Variants in CUL9 observed in about 807,000 individuals in gnomAD.
CUL9 encodes cullin 9.
In CUL9, 79 loss-of-function variants were observed where a neutral mutation model predicts 272.6. That is an observed-to-expected ratio of 0.29 (90% CI 0.24 to 0.35). The LOEUF (loss-of-function observed/expected upper bound fraction) is 0.35, where lower values mean the gene tolerates loss of function less well. CUL9 is among the 10% of genes least tolerant of loss of function. The pLI is 1.00. For missense variants in CUL9, 2,532 were observed against 3,255.6 expected (o/e 0.78, Z 5.41); for synonymous variants, 1,186 against 1,286.5 (o/e 0.92, Z 1.67).
Position 43,187,023 on chromosome 6 carries a change from C to G in CUL9, c.1315C>G (p.Pro439Ala), listed in dbSNP as rs941786875. ...VHWHMLEILG[P>A]EEATEDKASA... Reference sequence around the variant, plus strand: ...CTGGCACATGCTGGAGATCCTGGGCCCTGAGGAAGCCACTGAGGATAAGGC... The same window carrying G: ...CTGGCACATGCTGGAGATCCTGGGCGCTGAGGAAGCCACTGAGGATAAGGC... The change falls in exon 5 of 41, where the codon CCT becomes GCT. Residue 439 changes from proline to alanine, a missense_variant. Coordinates refer to ENST00000252050, the MANE Select transcript of CUL9 (RefSeq NM_015089.4). 3 of 1,614,070 alleles carry G rather than the reference C, an allele frequency of 1.9e-6. No individual in the cohort carries two copies. The highest frequency in any genetic ancestry group is 1.7e-4 in the Middle Eastern group (1 of 6,060).
At position 43,213,748 on chromosome 6, in the gene CUL9, A is replaced by G; in HGVS notation, c.5524A>G (p.Ser1842Gly). The G allele has an allele frequency of 1.2e-6, 2 of 1,613,866 alleles. 1 individual carries two copies. Among genetic ancestry groups the G allele is most frequent in the South Asian group, 2.2e-5 (2 of 91,066 alleles). ...LRLHEPGPQR[S>G]GEALWLIPPQ... ...GCTTCATGAGCCTGGGCCCCAGCGCAGTGGGGAGGCCCTGTGGCTGATACC... is the reference window on the plus strand; with the variant it reads ...GCTTCATGAGCCTGGGCCCCAGCGCGGTGGGGAGGCCCTGTGGCTGATACC... The change falls in exon 29 of 41, where the codon AGT (serine) becomes GGT (glycine). Residue 1842 changes from serine (S) to glycine (G), a missense_variant. Ser to Gly is a moderately conservative substitution (Grantham distance 56). Transcript: ENST00000252050. The surrounding 1 kb of genome is among the most constrained non-coding windows in gnomAD (Gnocchi z 5.7).
chr6:43,214,141 C>A (rs1775744920), intron 29 of CUL9, among the ~76,000 whole-genome samples: 1 of 152,254 alleles, frequency 6.6e-6, no homozygotes. Context: ...TTAATCCAGC[C>A]AGGTACAGTG....
At chr6:43,193,332 G>T in intron 9 of CUL9, 124 bp downstream of exon 9, 2 of 841,666 alleles carry the variant, frequency 2.4e-6, no homozygotes, top group South Asian at 3.1e-5. Context: ...GAAAGATGCA[G>T]ATGGTTTTAA....
At chr6:43,202,292 C>T (rs945867594) in intron 16 of CUL9, among the ~76,000 whole-genome samples, 2 of 152,096 alleles carry the variant, frequency 1.3e-5, no homozygotes, top group Non-Finnish European at 1.5e-5. Context: ...ATGGAAATAC[C>T]TGTTGGGGAC....
chr6:43,221,316 C>T lies in CUL9; in HGVS notation c.6747C>T (p.Cys2249=), dbSNP rs144796632. The T allele has an allele frequency of 6.2e-6, 10 of 1,602,528 alleles. No individual in the cohort carries two copies. In the African/African-American group the frequency reaches 1.2e-4, roughly 19 times the overall value. ...CTCCCATCGAGAAGAACGAGGGGTGCCTGCAGTAAGAAGGGGGGTACTGTG... is the reference window on the plus strand; with the variant it reads ...CTCCCATCGAGAAGAACGAGGGGTGTCTGCAGTAAGAAGGGGGGTACTGTG... ...CQAPIEKNEG[C]LHMTCAKCNH... The change falls in exon 34 of 41, where the codon TGC becomes TGT. Residue 2249 remains cysteine, a synonymous_variant. Transcript: ENST00000252050. This position sits in a 1 kb window ranked among gnomAD's most constrained non-coding sequence, Gnocchi z 4.2.
Position 43,200,907 on chromosome 6 carries a change from C to G in CUL9, c.3647+73C>G. On this transcript the variant is annotated intron_variant, in intron 16 of 40. Coordinates refer to ENST00000252050, the MANE Select transcript of CUL9 (RefSeq NM_015089.4). This position sits in a 1 kb window ranked among gnomAD's most constrained non-coding sequence, Gnocchi z 4.0. ...CCCAAAGCACCCAGATACACACAAC[C>G]CCAGCTATAACCCCAATGCCTGAGG... 1.3e-6 allele frequency: 2 copies of G among 1,581,528 alleles called. No homozygotes were observed. The highest frequency in any genetic ancestry group is 1.7e-6 in the Non-Finnish European group (2 of 1,154,218).
In CUL9 at chr6:43,205,194, T is replaced by C. The variant is rs534642268; in HGVS notation, c.4633-69T>C. On this transcript the variant is annotated intron_variant, in intron 23 of 40. Transcript: ENST00000252050. ...CTTTCTGCTCTGCCCTTTCACCTCC[T>C]TTCGCTCCCCAGTCTCCTACTCCAC... is the stretch of plus-strand genomic sequence containing the variant. The C allele has an allele frequency of 4.6e-5, 73 of 1,590,164 alleles. No individual in the cohort carries two copies. In the African/African-American group the frequency reaches 8.5e-4, roughly 18 times the overall value.
In CUL9 at chr6:43,199,743, A is replaced by T. The variant is rs535318702; in HGVS notation, c.3157-186A>T. Among the ~76,000 whole-genome samples, 1 of 152,032 alleles carries T rather than the reference A, an allele frequency of 6.6e-6. No homozygotes were observed. On this transcript the variant is annotated intron_variant, in intron 13 of 40. Coordinates refer to ENST00000252050, the MANE Select transcript of CUL9 (RefSeq NM_015089.4). The surrounding 1 kb of genome is among the most constrained non-coding windows in gnomAD (Gnocchi z 4.4). ...GCTGTGCCCAAGCTCTGTTCTGCCA[A>T]CTCACTCTGGAGTCCCAGCACTCCT...
Position 43,198,829 on chromosome 6 carries a change from C to T in CUL9, c.3024C>T (p.Asn1008=). Residue 1008 remains asparagine, a synonymous_variant, in exon 12 of 41, where the codon AAC becomes AAT. Transcript: ENST00000252050. ...LLRTLDAPGP[N]KTLLLSVLRV... ...GGACTCTGGATGCTCCGGGGCCCAA[C>T]AAGACTCTGCTGCTGTCTGTGCTGA... 6.2e-7 allele frequency: 1 copy of T among 1,613,690 alleles called. No individual in the cohort carries two copies. Among genetic ancestry groups the T allele is most frequent in the Non-Finnish European group, 8.5e-7 (1 of 1,180,042 alleles).
intron 16 of CUL9, among the ~76,000 whole-genome samples, chr6:43,202,496 G>A (rs1774684851): frequency 6.6e-6 from 1 of 152,140 alleles, no homozygotes; most frequent in Non-Finnish European, 1.5e-5. Flanking sequence ...AAGAAGTGGT[G>A]GCTTGAAATA....
chr6:43,198,808 T>C lies in CUL9; in HGVS notation c.3003T>C (p.Thr1001=). 6.2e-7 allele frequency: 1 copy of C among 1,613,880 alleles called. No homozygotes were observed. The highest frequency in any genetic ancestry group is 8.5e-7 in the Non-Finnish European group (1 of 1,180,042). ...ETQPFLLLLR[T]LDAPGPNKTL... Reference sequence around the variant, plus strand: ...AGCCTTTCCTCCTGTTGCTGCGGACTCTGGATGCTCCGGGGCCCAACAAGA... The same window carrying C: ...AGCCTTTCCTCCTGTTGCTGCGGACCCTGGATGCTCCGGGGCCCAACAAGA... Residue 1001 remains threonine (T), a synonymous_variant, in exon 12 of 41, where the codon ACT becomes ACC. Coordinates refer to ENST00000252050, the MANE Select transcript of CUL9 (RefSeq NM_015089.4).
chr6:43,188,555 C>T lies in CUL9; in HGVS notation c.2020C>T (p.Arg674Cys), dbSNP rs368734594. ...MARALRGPGP[R>C]SSLDQHVAAV... Reference sequence around the variant, plus strand: ...CAGAGCCTTGCGGGGTCCCGGTCCTCGCAGCTCCCTGGATCAGCATGTGGC... The same window carrying T: ...CAGAGCCTTGCGGGGTCCCGGTCCTTGCAGCTCCCTGGATCAGCATGTGGC... Residue 674 changes from arginine (R) to cysteine (C), a missense_variant, in exon 8 of 41, where the codon CGC becomes TGC. By Grantham distance (180) the Arg-to-Cys change is radical. Coordinates refer to ENST00000252050, the MANE Select transcript of CUL9 (RefSeq NM_015089.4). The T allele has an allele frequency of 2.7e-5, 43 of 1,613,228 alleles. 1 individual carries two copies. Among genetic ancestry groups the T allele is most frequent in the East Asian group, 2.5e-4 (11 of 44,872 alleles).
At position 43,215,204 on chromosome 6, in the gene CUL9, C is replaced by T. The variant is rs144667245; in HGVS notation, c.5814C>T (p.Tyr1938=). 2.9e-5 allele frequency: 47 copies of T among 1,614,090 alleles called. No homozygotes were observed. Among genetic ancestry groups the T allele is most frequent in the African/African-American group, 4.0e-5 (3 of 74,928 alleles). ...TCCTGCACCTCTTAGGCCAGGGCTACGTGAAACGGCGTGATGACCGGCCCC... is the reference window on the plus strand; with the variant it reads ...TCCTGCACCTCTTAGGCCAGGGCTATGTGAAACGGCGTGATGACCGGCCCC... ...SCILHLLGQG[Y]VKRRDDRPQI... is the part of the protein sequence containing the mutation. The change falls in exon 30 of 41, where the codon TAC becomes TAT. Residue 1938 remains tyrosine, a synonymous_variant. Transcript: ENST00000252050.
At position 43,184,715 on chromosome 6, in the gene CUL9, C is replaced by A. The variant is rs1178540752; in HGVS notation, c.405C>A (p.Thr135=). 6.2e-7 allele frequency: 1 copy of A among 1,613,990 alleles called. No individual in the cohort carries two copies. The highest frequency in any genetic ancestry group is 1.3e-5 in the African/African-American group (1 of 74,932). Residue 135 remains threonine (T), a synonymous_variant, in exon 2 of 41, where the codon ACC becomes ACA. Transcript: ENST00000252050. The surrounding 1 kb of genome is among the most constrained non-coding windows in gnomAD (Gnocchi z 4.8). ...CCAGGCAGCTGGCAGAAAGTGGGACCCCAAGCCTCACGGCCGCTGTGCTTC... is the reference window on the plus strand; with the variant it reads ...CCAGGCAGCTGGCAGAAAGTGGGACACCAAGCCTCACGGCCGCTGTGCTTC... ...RAARQLAESG[T]PSLTAAVLHT...
intron 26 of CUL9, among the ~76,000 whole-genome samples, chr6:43,208,613 C>A (rs1393334595): frequency 6.6e-6 from 1 of 152,180 alleles, no homozygotes; most frequent in African/African-American, 2.4e-5. Context: ...AAGTGACATT[C>A]TTTCTTTCTA....
At position 43,199,309 on chromosome 6, in the gene CUL9, C is replaced by G. The variant is rs1774318185; in HGVS notation, c.3094C>G (p.Pro1032Ala). 1.9e-6 allele frequency: 3 copies of G among 1,613,532 alleles called. No homozygotes were observed. Among genetic ancestry groups the G allele is most frequent in the Non-Finnish European group, 2.5e-6 (3 of 1,179,772 alleles). Reference protein sequence around the residue: ...LLDFPEAMVLPWHEVLEPCLN... With the variant: ...LLDFPEAMVLAWHEVLEPCLN... ...GGATTTCCCTGAGGCAATGGTCCTC[C>G]CCTGGCACGAGGTCTTGGAGCCCTG... is the stretch of plus-strand genomic sequence containing the variant. Residue 1032 changes from proline to alanine, a missense_variant, in exon 13 of 41, where the codon CCC (proline) becomes GCC (alanine). This residue lies in a region of CUL9 where 2,218 missense variants were observed against 2,788.6 expected (regional missense o/e 0.80). Coordinates refer to ENST00000252050, the MANE Select transcript of CUL9 (RefSeq NM_015089.4). This position sits in a 1 kb window ranked among gnomAD's most constrained non-coding sequence, Gnocchi z 4.4.
In CUL9 at chr6:43,203,960, C is replaced by T; in HGVS notation, c.4132C>T (p.Pro1378Ser). The T allele has an allele frequency of 6.2e-7, 1 of 1,609,070 alleles. No homozygotes were observed. Among genetic ancestry groups the T allele is most frequent in the Non-Finnish European group, 8.5e-7 (1 of 1,176,182 alleles). The change falls in exon 20 of 41, where the codon CCC becomes TCC. Residue 1378 changes from proline (P) to serine (S), a missense_variant. Pro to Ser is a moderately conservative substitution (Grantham distance 74, BLOSUM62 -1). This residue lies in a region of CUL9 where 2,218 missense variants were observed against 2,788.6 expected (regional missense o/e 0.80). Coordinates refer to ENST00000252050, the MANE Select transcript of CUL9 (RefSeq NM_015089.4). The surrounding 1 kb of genome is among the most constrained non-coding windows in gnomAD (Gnocchi z 5.0). ...GKTCWEALVS[P>S]LVQNITSPDA... Reference sequence around the variant, plus strand: ...GACCTGCTGGGAGGCCCTGGTCAGCCCCCTGGTGCAGAACATCACCTCTCC... The same window carrying T: ...GACCTGCTGGGAGGCCCTGGTCAGCTCCCTGGTGCAGAACATCACCTCTCC...
At position 43,187,257 on chromosome 6, in the gene CUL9, T is replaced by C; in HGVS notation, c.1399T>C (p.Trp467Arg). ...ATVLGTAFPS[W>R]DWNPMDGLYP... Reference sequence around the variant, plus strand: ...GCCTGTGTCCTCAGCATTTCCCTCCTGGGACTGGAATCCTATGGATGGGCT... The same window carrying C: ...GCCTGTGTCCTCAGCATTTCCCTCCCGGGACTGGAATCCTATGGATGGGCT... The change falls in exon 6 of 41, where the codon TGG becomes CGG. Residue 467 changes from tryptophan to arginine, a missense_variant. Physicochemically the swap from Trp to Arg is moderately radical, Grantham distance 101. Transcript: ENST00000252050. 1 of 1,613,890 alleles carries C rather than the reference T, an allele frequency of 6.2e-7. No individual in the cohort carries two copies. Among genetic ancestry groups the C allele is most frequent in the South Asian group, 1.1e-5 (1 of 91,080 alleles).
chr6:43,214,955 T>C (rs1375846128), intron 29 of CUL9, 124 bp from the exon 30 acceptor site: 1 of 1,157,112 alleles, frequency 8.6e-7, no homozygotes, highest in African/African-American at 1.6e-5. Flanking sequence ...CTGGCCTGGG[T>C]GACAGAGCAA....
Sources: allele counts gnomAD v4.1 joint callset (sites outside exome capture counted in the v4.1 genomes callset), GRCh38; gene constraint gnomAD v4.1.1; regional missense constraint gnomAD v4.1.1; non-coding constraint Gnocchi (gnomAD v3.1); transcripts MANE v1.5; gene names NCBI Gene and HGNC (gene_info 2026-07-23, HGNC 2026-07-21).